ACP7: variants seen among roughly 807,000 people sequenced by gnomAD.
ACP7 encodes acid phosphatase type 7.
Under a neutral mutation model 60.6 loss-of-function variants are expected in ACP7, and 58 were observed. The ratio of observed to expected loss-of-function variants is 0.96; its 90% confidence interval spans 0.77 to 1.19. The LOEUF is 1.19. Ranked by LOEUF, ACP7 falls within the 50% of genes most tolerant of loss-of-function variation. The pLI, the probability that ACP7 is intolerant of heterozygous loss-of-function variation, is 0.00. For synonymous variants in ACP7, 237 were observed against 232.6 expected, an observed-to-expected ratio of 1.02 and a Z score of -0.17; for missense variants, 574 against 596.2, an observed-to-expected ratio of 0.96 and a Z score of 0.39.
chr19:39,100,225 AG>A lies in ACP7; in HGVS notation c.506del. On this transcript the variant is annotated splice_acceptor_variant, in intron 4 of 12. Coordinates refer to ENST00000331256, the MANE Select transcript of ACP7 (RefSeq NM_001004318.3). LOFTEE classifies it high-confidence loss of function. ...TCACCCTCCTTCCGCCCCCTCCCCC[AG>A]GAGACTTTGCCTACAACCTGGATCA... 6.2e-7 allele frequency: 1 copy of A among 1,613,498 alleles called. No individual in the cohort carries two copies. Among genetic ancestry groups the A allele is most frequent in the Non-Finnish European group, 8.5e-7 (1 of 1,179,748 alleles).
rs773495323 is a variant in ACP7, at chr19:39,099,026, C to T, written c.389C>T (p.Ala130Val). 3 of 1,613,380 alleles carry T rather than the reference C, an allele frequency of 1.9e-6. No homozygotes were observed. Among genetic ancestry groups the T allele is most frequent in the South Asian group, 2.2e-5 (2 of 91,058 alleles). ...RFRFRALKNGAHWSPRLAVFG... is the reference protein window; with the variant it reads ...RFRFRALKNGVHWSPRLAVFG... Reference sequence around the variant, plus strand: ...CGCTTCAGGGCCCTCAAGAATGGGGCCCACTGGAGTCCCCGTCTGGCTGTG... The same window carrying T: ...CGCTTCAGGGCCCTCAAGAATGGGGTCCACTGGAGTCCCCGTCTGGCTGTG... Residue 130 changes from alanine (A) to valine (V), a missense_variant, in exon 4 of 13, where the codon GCC becomes GTC. Transcript: ENST00000331256.
At chr19:39,099,857 G>A (rs976378363) in intron 4 of ACP7, among the ~76,000 whole-genome samples, 11 of 151,856 alleles carry the variant, frequency 7.2e-5, no homozygotes, top group Non-Finnish European at 8.8e-5. Flanking sequence ...GCCAGGTGTG[G>A]TGGCAAGTGT....
chr19:39,098,665 G>A lies in ACP7; in HGVS notation c.322+7G>A. On this transcript the variant is annotated splice_region_variant and intron_variant, in intron 3 of 12. Transcript: ENST00000331256. Reference sequence around the variant, plus strand: ...CTGCCAGGGGTTCAGTATGGTGAGAGGGGCCCCAGGCTGAGCTGTTGAGGA... The same window carrying A: ...CTGCCAGGGGTTCAGTATGGTGAGAAGGGCCCCAGGCTGAGCTGTTGAGGA... 7.5e-6 allele frequency: 12 copies of A among 1,605,392 alleles called. No homozygotes were observed. Among genetic ancestry groups the A allele is most frequent in the African/African-American group, 1.3e-5 (1 of 74,746 alleles).
intron 8 of ACP7, 39 bp from the exon 9 acceptor site, chr19:39,101,111 A>T (rs895109876): frequency 6.2e-7 from 1 of 1,613,942 alleles, no homozygotes; most frequent in Non-Finnish European, 8.5e-7. Flanking sequence ...GGTGGGCGTC[A>T]GTCTGCGTCA....
At chr19:39,087,062 G>A (rs1465144947) in intron 2 of ACP7, among the ~76,000 whole-genome samples, 1 of 152,116 alleles carries the variant, frequency 6.6e-6, no homozygotes, top group Admixed American at 6.6e-5. Flanking sequence ...AGGCTGGAGT[G>A]CAGTGGCACA....
rs942929879 is a variant in ACP7, at chr19:39,110,896, T to A, written c.*778T>A. 2.6e-5 allele frequency: 4 copies of A among 152,200 alleles called. No individual in the cohort carries two copies. Among genetic ancestry groups the A allele is most frequent in the African/African-American group, 9.7e-5 (4 of 41,434 alleles). 9.4% of individuals were successfully genotyped at this position (152,200 alleles called of 1,614,324 possible). ...GAGACAGCTGTGAATGAGACAGAGATCTCGGCCCTCACAGAGCTGACATCC... is the reference window on the plus strand; with the variant it reads ...GAGACAGCTGTGAATGAGACAGAGAACTCGGCCCTCACAGAGCTGACATCC... On this transcript the variant is annotated 3_prime_UTR_variant, in exon 13 of 13. Coordinates refer to ENST00000331256, the MANE Select transcript of ACP7 (RefSeq NM_001004318.3).
intron 2 of ACP7, among the ~76,000 whole-genome samples, chr19:39,093,187 C>CTTCCTTCCTTCCTTCCTTCT (rs2073228178): frequency 1.7e-5 from 1 of 57,828 alleles, no homozygotes; most frequent in Non-Finnish European, 3.5e-5. Flanking sequence ...TCCTTCCTTC[C>CTTCCTTCCTTCCTTCCTTCT]TTCTTTCTTT....
chr19:39,097,135 A>C (rs573981217), intron 2 of ACP7, among the ~76,000 whole-genome samples: 1 of 152,198 alleles, frequency 6.6e-6, no homozygotes, highest in South Asian at 2.1e-4. Flanking sequence ...GTGGCAAGAG[A>C]AAATGAGAAA....
At chr19:39,089,431 C>T (rs1184736132) in intron 2 of ACP7, among the ~76,000 whole-genome samples, 2 of 152,154 alleles carry the variant, frequency 1.3e-5, no homozygotes, top group Non-Finnish European at 2.9e-5. Context: ...AAAAATATTA[C>T]AGAGTTCCTG....
chr19:39,089,529 C>A (rs915667854), intron 2 of ACP7, among the ~76,000 whole-genome samples: 1 of 152,102 alleles, frequency 6.6e-6, no homozygotes, highest in African/African-American at 2.4e-5. Flanking sequence ...TGGTACAATC[C>A]TGTTAACTAA....
chr19:39,096,035 G>A (rs1278232826), intron 2 of ACP7, among the ~76,000 whole-genome samples: 2 of 152,160 alleles, frequency 1.3e-5, no homozygotes, highest in Admixed American at 1.3e-4. Flanking sequence ...TAGACCTCTG[G>A]GTCTGAGATG....
At chr19:39,087,707 C>A (rs928315454) in intron 2 of ACP7, among the ~76,000 whole-genome samples, 2 of 150,634 alleles carry the variant, frequency 1.3e-5, no homozygotes, top group African/African-American at 4.9e-5. Context: ...GATCTTGGCT[C>A]ACTGCAAGCT....
chr19:39,086,641 A>G (rs918079794), intron 2 of ACP7, among the ~76,000 whole-genome samples: 182 of 75,114 alleles, frequency 2.4e-3, no homozygotes, highest in East Asian at 8.3e-3. Flanking sequence ...AAAAAAAAAA[A>G]GGGGGGGGGG....
At position 39,111,153 on chromosome 19, in the gene ACP7, C is replaced by G. The variant is rs1015287303; in HGVS notation, c.*1035C>G. The G allele has an allele frequency of 2.0e-5, 3 of 152,230 alleles. No homozygotes were observed. The highest frequency in any genetic ancestry group is 1.3e-4 in the Admixed American group (2 of 15,258). 9.4% of individuals were successfully genotyped at this position (152,230 alleles called of 1,614,324 possible). A position where few individuals can be genotyped will look rare whatever the true frequency, so the allele number is the denominator to read the frequency against. ...CAAAGGCCCTGAGACAGAAATGTGCCTGGCCGGCTGGGTACAGTAACTCAC... is the reference window on the plus strand; with the variant it reads ...CAAAGGCCCTGAGACAGAAATGTGCGTGGCCGGCTGGGTACAGTAACTCAC... On this transcript the variant is annotated 3_prime_UTR_variant, in exon 13 of 13. Transcript: ENST00000331256.
chr19:39,087,433 A>G (rs1471274957), intron 2 of ACP7, among the ~76,000 whole-genome samples: 1 of 151,986 alleles, frequency 6.6e-6, no homozygotes, highest in African/African-American at 2.4e-5. Context: ...CTGTTCTTGC[A>G]CAGACATGTG....
intron 3 of ACP7, 51 bp from the exon 4 acceptor site, chr19:39,098,909 G>A (rs111505227): frequency 0.026 from 26,690 of 1,030,924 alleles, 1,482 homozygotes; most frequent in African/African-American, 0.2. Context: ...GGGTTGGAGG[G>A]AGGGTCCCGG....
chr19:39,101,680 A>G (rs2073347971), intron 11 of ACP7, 143 bp downstream of exon 11: 1 of 886,030 alleles, frequency 1.1e-6, no homozygotes, highest in Non-Finnish European at 1.7e-6. Context: ...TCCTAGCGGT[A>G]TGTTCATTGG....
intron 4 of ACP7, among the ~76,000 whole-genome samples, chr19:39,099,992 C>CAAA (rs35619428): frequency 5.9e-4 from 43 of 72,430 alleles, no homozygotes; most frequent in South Asian, 1.0e-3. Flanking sequence ...GACTCTGTCT[C>CAAA]AAAAAAAAAA....
chr19:39,100,461 G>A (rs1016064825), intron 5 of ACP7, 111 bp downstream of exon 5: 1 of 1,600,830 alleles, frequency 6.2e-7, no homozygotes, highest in African/African-American at 1.3e-5. Flanking sequence ...AATTGTGGTA[G>A]CAAGAGGAGA....
Sources: gnomAD v4.1 joint callset for allele counts (sites outside exome capture counted in the v4.1 genomes callset) on GRCh38, gnomAD v4.1.1 for gene constraint, MANE v1.5 for transcripts, NCBI Gene and HGNC (gene_info 2026-07-23, HGNC 2026-07-21) for gene names.